The following EXT1 variants were observed in gnomAD, a reference collection of about 807,000 sequenced individuals.
EXT1 encodes exostosin-1.
EXT1 carries 20 observed loss-of-function variants against 82.5 expected under a neutral mutation model. The observed-to-expected ratio is 0.24, with a 90% CI of 0.17 to 0.35. EXT1 has a LOEUF of 0.35. Ranked by LOEUF, EXT1 falls within the 10% of genes least tolerant of loss-of-function variation. EXT1 has a pLI of 1.00. For missense variants in EXT1, 757 were observed against 936.5 expected, an observed-to-expected ratio of 0.81 and a Z score of 2.50; for synonymous variants, 348 against 350.8, an observed-to-expected ratio of 0.99 and a Z score of 0.09.
At chr8:117,875,336 G>A (rs1344605197) in intron 1 of EXT1, among the ~76,000 whole-genome samples, 19 of 152,052 alleles carry the variant, frequency 1.2e-4, no homozygotes, top group Admixed American at 5.2e-4. Context: ...CAGGAGAACC[G>A]CTTGAACCCG....
intron 1 of EXT1, among the ~76,000 whole-genome samples, chr8:117,858,872 A>AG (rs1563582327): frequency 3.1e-5 from 2 of 64,358 alleles, no homozygotes; most frequent in Admixed American, 1.7e-4. Context: ...AAAGAAAGAA[A>AG]GAAAGAAAGA....
chr8:118,006,399 G>A (rs1334473755), intron 1 of EXT1, among the ~76,000 whole-genome samples: 1 of 152,130 alleles, frequency 6.6e-6, no homozygotes, highest in Non-Finnish European at 1.5e-5. Context: ...TATAGTGTTT[G>A]AGTCAAAAAA....
At chr8:117,922,568 T>C (rs1026247592) in intron 1 of EXT1, among the ~76,000 whole-genome samples, 1 of 152,104 alleles carries the variant, frequency 6.6e-6, no homozygotes, top group African/African-American at 2.4e-5. Context: ...GAATTCTCCA[T>C]TGTGAGTGTC....
chr8:117,901,220 G>C lies in EXT1; in HGVS notation c.963-64019C>G, dbSNP rs1423414498. Among the ~76,000 whole-genome samples the C allele has an allele frequency of 3.3e-5, 5 of 152,282 alleles. No homozygotes were observed. The East Asian group carries it at 9.6e-4, about 29-fold the overall frequency. On this transcript the variant is annotated intron_variant, in intron 1 of 10. Coordinates refer to ENST00000378204, the MANE Select transcript of EXT1 (RefSeq NM_000127.3). ...GAGTGTACTCACGCAGACCTGGATG[G>C]TATAACCTTCTACACACCTAGAATA...
intron 1 of EXT1, among the ~76,000 whole-genome samples, chr8:118,107,033 C>CT (rs1259746230): frequency 2.0e-5 from 3 of 152,214 alleles, no homozygotes; most frequent in African/African-American, 7.2e-5. Flanking sequence ...TAATCAACGT[C>CT]TAATTTTCAC....
At chr8:117,872,894 A>T (rs1399867685) in intron 1 of EXT1, among the ~76,000 whole-genome samples, 1 of 152,052 alleles carries the variant, frequency 6.6e-6, no homozygotes, top group Non-Finnish European at 1.5e-5. Context: ...GGATTTTTAC[A>T]TAATAAATAG....
At chr8:117,829,619 G>T (rs936078104) in intron 4 of EXT1, among the ~76,000 whole-genome samples, 2 of 136,478 alleles carry the variant, frequency 1.5e-5, no homozygotes, top group Non-Finnish European at 3.1e-5. Flanking sequence ...TGTTGCCCAG[G>T]CTGGAGTATA....
chr8:117,796,320 C>T lies in EXT1; in HGVS notation c.*3392G>A, dbSNP rs952474197. On this transcript the variant is annotated 3_prime_UTR_variant, in exon 11 of 11. Coordinates refer to ENST00000378204, the MANE Select transcript of EXT1 (RefSeq NM_000127.3). Reference sequence around the variant, plus strand: ...TAGTAAGGCTGTCTTCCCCCTGATCCTGCCCTTTAAACAGGTTTGTTCTTA... The same window carrying T: ...TAGTAAGGCTGTCTTCCCCCTGATCTTGCCCTTTAAACAGGTTTGTTCTTA... The T allele has an allele frequency of 6.6e-6, 1 of 151,614 alleles. No individual in the cohort carries two copies. Among genetic ancestry groups the T allele is most frequent in the African/African-American group, 2.4e-5 (1 of 41,212 alleles). 9.4% of individuals were successfully genotyped at this position (151,614 alleles called of 1,614,324 possible).
At chr8:117,873,099 A>C (rs919185579) in intron 1 of EXT1, among the ~76,000 whole-genome samples, 1 of 152,212 alleles carries the variant, frequency 6.6e-6, no homozygotes, top group Non-Finnish European at 1.5e-5. Flanking sequence ...AAGAGACTGC[A>C]GAATGATTCT....
At chr8:117,806,438 G>A (rs1001440153) in intron 9 of EXT1, among the ~76,000 whole-genome samples, 1 of 152,098 alleles carries the variant, frequency 6.6e-6, no homozygotes, top group African/African-American at 2.4e-5. Context: ...TTCAAACCCT[G>A]CCCTCCTCCC....
chr8:117,897,787 G>A (rs17450863), intron 1 of EXT1, among the ~76,000 whole-genome samples: 17 of 148,842 alleles, frequency 1.1e-4, no homozygotes, highest in Middle Eastern at 3.4e-3. Context: ...TAGAGATGAG[G>A]TTTCGAGGTT....
intron 1 of EXT1, among the ~76,000 whole-genome samples, chr8:118,081,684 G>A (rs1362048426): frequency 2.0e-5 from 3 of 152,200 alleles, no homozygotes; most frequent in Middle Eastern, 3.2e-3. Flanking sequence ...ATGGGGAAAA[G>A]GGGATTACAA....
At chr8:117,921,205 A>G (rs1040154181) in intron 1 of EXT1, among the ~76,000 whole-genome samples, 1 of 152,172 alleles carries the variant, frequency 6.6e-6, no homozygotes, top group African/African-American at 2.4e-5. Context: ...ATTATTAACA[A>G]CAAGGGCACA....
At chr8:117,820,062 T>C (rs1811897584) in intron 5 of EXT1, among the ~76,000 whole-genome samples, 1 of 152,232 alleles carries the variant, frequency 6.6e-6, no homozygotes, top group South Asian at 2.1e-4. Context: ...GTGATGTTTC[T>C]GTGATGTCCC....
At chr8:117,930,188 C>T (rs1348830527) in intron 1 of EXT1, among the ~76,000 whole-genome samples, 1 of 151,926 alleles carries the variant, frequency 6.6e-6, no homozygotes, top group South Asian at 2.1e-4. Context: ...TGCAAGACTA[C>T]CTATCACTCA....
intron 1 of EXT1, among the ~76,000 whole-genome samples, chr8:118,041,021 GT>G (rs1816518045): frequency 6.6e-6 from 1 of 152,106 alleles, no homozygotes; most frequent in African/African-American, 2.4e-5. Flanking sequence ...ATTAGGAGAG[GT>G]TAATACACAC....
intron 7 of EXT1, among the ~76,000 whole-genome samples, chr8:117,815,433 A>G (rs1811793696): frequency 6.6e-6 from 1 of 152,182 alleles, no homozygotes; most frequent in Non-Finnish European, 1.5e-5. Flanking sequence ...CAGAAGTAAA[A>G]AGCCCATAAG....
intron 3 of EXT1, 96 bp from the exon 4 acceptor site, chr8:117,830,445 T>C (rs1207318978): frequency 2.1e-6 from 3 of 1,405,540 alleles, no homozygotes; most frequent in South Asian, 1.3e-5. Context: ...TTATTCTTCA[T>C]AGCATTTGGC....
At chr8:117,845,538 C>A (rs1587007819) in intron 1 of EXT1, among the ~76,000 whole-genome samples, 1 of 127,452 alleles carries the variant, frequency 7.8e-6, no homozygotes, top group Non-Finnish European at 1.6e-5. Context: ...AGCTCAATGG[C>A]TAATATATAA....
Sources: gnomAD v4.1 joint callset for allele counts (sites outside exome capture counted in the v4.1 genomes callset) on GRCh38, gnomAD v4.1.1 for gene constraint, MANE v1.5 for transcripts, NCBI Gene and HGNC (gene_info 2026-07-23, HGNC 2026-07-21) for gene names.